DLGAP2: variants seen among roughly 807,000 people sequenced by gnomAD.
The protein encoded by DLGAP2 is disks large-associated protein 2.
DLGAP2 carries 26 observed loss-of-function variants against 100.3 expected under a neutral mutation model. That is an observed-to-expected ratio of 0.26 (90% CI 0.19 to 0.36). The LOEUF is 0.36. DLGAP2 is among the 10% of genes least tolerant of loss of function. The pLI is 1.00. For missense variants in DLGAP2, 1,858 were observed against 1,453.2 expected, an observed-to-expected ratio of 1.28 and a Z score of -4.53; for synonymous variants, 886 against 630.1, an observed-to-expected ratio of 1.41 and a Z score of -6.08.
At chr8:1,678,112 C>A (rs1798851449) in intron 11 of DLGAP2, 102 bp from the exon 12 acceptor site, 6 of 1,346,126 alleles carry the variant, frequency 4.5e-6, no homozygotes, top group African/African-American at 4.4e-5. Context: ...AGCCGCCAGG[C>A]TGTTGAGCTC....
intron 1 of DLGAP2, among the ~76,000 whole-genome samples, chr8:750,373 A>C (rs933151397): frequency 2.6e-5 from 4 of 152,260 alleles, no homozygotes; most frequent in Admixed American, 6.5e-5. Flanking sequence ...AAATGGATCG[A>C]TTGATCTAAT....
intron 2 of DLGAP2, among the ~76,000 whole-genome samples, chr8:1,017,751 G>A (rs1283512879): frequency 6.6e-6 from 1 of 152,024 alleles, no homozygotes; most frequent in South Asian, 2.1e-4. Context: ...CCTGCAAGGG[G>A]CCTGCCGTGG....
chr8:1,332,635 C>G (rs1801185220), intron 3 of DLGAP2, among the ~76,000 whole-genome samples: 1 of 152,212 alleles, frequency 6.6e-6, no homozygotes, highest in African/African-American at 2.4e-5. Context: ...GGTCACACGT[C>G]TAAGTGACTG....
At chr8:912,842 G>C (rs1798515718) in intron 2 of DLGAP2, among the ~76,000 whole-genome samples, 1 of 151,490 alleles carries the variant, frequency 6.6e-6, no homozygotes, top group Admixed American at 6.6e-5. Context: ...CCTCTCTGTG[G>C]AGCTGACCCC....
chr8:1,145,290 A>C (rs770042863), intron 2 of DLGAP2, among the ~76,000 whole-genome samples: 1 of 151,962 alleles, frequency 6.6e-6, no homozygotes, highest in South Asian at 2.1e-4. Flanking sequence ...CCATCCCTCC[A>C]GGAAGCCGCT....
At chr8:1,551,567 G>C (rs1181632430) in intron 5 of DLGAP2, among the ~76,000 whole-genome samples, 7 of 152,122 alleles carry the variant, frequency 4.6e-5, no homozygotes, top group Non-Finnish European at 1.0e-4. Flanking sequence ...GCCTCCAACA[G>C]CTATTCCACG....
chr8:790,169 A>T (rs1821990033), intron 1 of DLGAP2, among the ~76,000 whole-genome samples: 1 of 152,134 alleles, frequency 6.6e-6, no homozygotes, highest in African/African-American at 2.4e-5. Context: ...CTCATCAGGG[A>T]TTTGGAGAAT....
In DLGAP2 at chr8:1,549,121, G is replaced by C. The variant is rs1801664472; in HGVS notation, c.668G>C (p.Ser223Thr). The change falls in exon 5 of 15, where the codon AGC (serine) becomes ACC (threonine). Residue 223 changes from serine (S) to threonine (T), a missense_variant. Physicochemically the swap from Ser to Thr is moderately conservative, Grantham distance 58. Coordinates refer to ENST00000637795, the MANE Select transcript of DLGAP2 (RefSeq NM_001346810.2). ...QRTSAAAEQR[S>T]ESPGRIRHLV... ...ACGTCCGCGGCCGCCGAGCAGCGCA[G>C]CGAGAGCCCCGGGCGGATCCGCCAC... 1 of 1,588,820 alleles carries C rather than the reference G, an allele frequency of 6.3e-7. No individual in the cohort carries two copies. Among genetic ancestry groups the C allele is most frequent in the African/African-American group, 1.3e-5 (1 of 74,486 alleles).
Position 1,668,514 on chromosome 8 carries a change from A to C in DLGAP2, c.1996A>C (p.Ser666Arg). Residue 666 changes from serine (S) to arginine (R), a missense_variant, in exon 9 of 15, where the codon AGC becomes CGC. Physicochemically the swap from Ser to Arg is moderately radical, Grantham distance 110. Coordinates refer to ENST00000637795, the MANE Select transcript of DLGAP2 (RefSeq NM_001346810.2). Reference sequence around the variant, plus strand: ...CCGCGGCCTCTACAACTCCACGGACAGCCTGGACAGCAACAAGGCCATGAA... The same window carrying C: ...CCGCGGCCTCTACAACTCCACGGACCGCCTGGACAGCAACAAGGCCATGAA... ...DSRGLYNSTD[S>R]LDSNKAMNLA... 1 of 1,593,478 alleles carries C rather than the reference A, an allele frequency of 6.3e-7. No homozygotes were observed. Among genetic ancestry groups the C allele is most frequent in the Non-Finnish European group, 8.5e-7 (1 of 1,171,012 alleles).
At chr8:1,352,659 C>G (rs948016231) in intron 3 of DLGAP2, among the ~76,000 whole-genome samples, 41 of 152,228 alleles carry the variant, frequency 2.7e-4, no homozygotes, top group African/African-American at 9.2e-4. Context: ...CGAACCCTGA[C>G]TGGGGCGTGG....
intron 3 of DLGAP2, among the ~76,000 whole-genome samples, chr8:1,343,262 C>T (rs538217526): frequency 2.0e-5 from 3 of 152,306 alleles, no homozygotes; most frequent in East Asian, 1.9e-4. Flanking sequence ...GGGCAGGGCT[C>T]AGGACAGACC....
At chr8:1,631,502 T>C (rs1797644908) in intron 7 of DLGAP2, among the ~76,000 whole-genome samples, 1 of 152,226 alleles carries the variant, frequency 6.6e-6, no homozygotes, top group Non-Finnish European at 1.5e-5. Context: ...CCAGTGTGCA[T>C]GCTTCTGAGC....
At chr8:870,521 C>A (rs549562876) in intron 1 of DLGAP2, among the ~76,000 whole-genome samples, 1 of 152,140 alleles carries the variant, frequency 6.6e-6, no homozygotes, top group Admixed American at 6.6e-5. Flanking sequence ...CGTCTGTCTC[C>A]TCTCACTTCC....
At chr8:1,571,544 G>A (rs947909831) in intron 6 of DLGAP2, among the ~76,000 whole-genome samples, 1 of 127,920 alleles carries the variant, frequency 7.8e-6, no homozygotes, top group Non-Finnish European at 1.7e-5. Context: ...GGAGAGAGGA[G>A]TGAACTGTGG....
intron 3 of DLGAP2, among the ~76,000 whole-genome samples, chr8:1,417,319 G>C (rs1796923281): frequency 2.0e-5 from 3 of 151,744 alleles, no homozygotes; most frequent in South Asian, 4.1e-4. Flanking sequence ...GGGTGCCCAG[G>C]TTCGACAGCA....
intron 2 of DLGAP2, among the ~76,000 whole-genome samples, chr8:986,459 C>G (rs1800490368): frequency 6.6e-6 from 1 of 151,932 alleles, no homozygotes; most frequent in African/African-American, 2.4e-5. Context: ...TATGTGGTTC[C>G]TAATTATTAT....
At chr8:1,515,436 G>A (rs1445500030) in intron 4 of DLGAP2, among the ~76,000 whole-genome samples, 2 of 151,918 alleles carry the variant, frequency 1.3e-5, no homozygotes, top group Non-Finnish European at 2.9e-5. Flanking sequence ...GCAGACACAT[G>A]CACACACACG....
chr8:1,437,341 A>G (rs1244579072), intron 3 of DLGAP2, among the ~76,000 whole-genome samples: 1 of 152,256 alleles, frequency 6.6e-6, no homozygotes, highest in Non-Finnish European at 1.5e-5. Context: ...ATGCTCACAC[A>G]ACCACGAGGC....
intron 1 of DLGAP2, among the ~76,000 whole-genome samples, chr8:778,598 C>T (rs1261707819): frequency 2.6e-5 from 4 of 152,146 alleles, no homozygotes; most frequent in African/African-American, 9.7e-5. Flanking sequence ...TTTTGGAGTA[C>T]CCTGCCCTGT....
Sources: allele counts gnomAD v4.1 joint callset (sites outside exome capture counted in the v4.1 genomes callset), GRCh38; gene constraint gnomAD v4.1.1; transcripts MANE v1.5; gene names NCBI Gene and HGNC (gene_info 2026-07-23, HGNC 2026-07-21).